NDST3: variants seen among roughly 807,000 people sequenced by gnomAD.
The protein encoded by NDST3 is N-deacetylase and N-sulfotransferase 3, also known as bifunctional heparan sulfate N-deacetylase/N-sulfotransferase 3.
A neutral mutation model predicts 96.1 loss-of-function variants in NDST3; 58 were observed. The ratio of observed to expected loss-of-function variants is 0.60; its 90% CI spans 0.49 to 0.75. NDST3 has a LOEUF of 0.75. NDST3 is among the 30% of genes least tolerant of loss of function. The pLI is 0.00. For synonymous variants in NDST3, 333 were observed against 359.7 expected (o/e 0.93, Z 0.84); for missense variants, 788 against 1,034.2 (o/e 0.76, Z 3.27).
At chr4:118,241,603 C>G (rs563527639) in intron 11 of NDST3, among the ~76,000 whole-genome samples, 2 of 152,322 alleles carry the variant, frequency 1.3e-5, no homozygotes, top group African/African-American at 4.8e-5. Context: ...TTCTTCAAAC[C>G]TGACAGTGCT....
intron 2 of NDST3, among the ~76,000 whole-genome samples, chr4:118,080,566 C>T (rs1303528801): frequency 1.3e-5 from 2 of 152,038 alleles, no homozygotes; most frequent in Non-Finnish European, 2.9e-5. Context: ...AATTAATTCA[C>T]GAAAGTCTCA....
intron 2 of NDST3, among the ~76,000 whole-genome samples, chr4:118,093,237 T>C (rs1348535626): frequency 6.6e-6 from 1 of 151,836 alleles, no homozygotes. Flanking sequence ...TATACATATG[T>C]TTATCGCTTC....
intron 4 of NDST3, among the ~76,000 whole-genome samples, chr4:118,119,332 TA>T (rs1323077610): frequency 6.6e-6 from 1 of 152,216 alleles, no homozygotes; most frequent in African/African-American, 2.4e-5. Flanking sequence ...GCTTAAGGAA[TA>T]TATGACAATC....
chr4:118,069,596 A>G (rs926453410), intron 2 of NDST3, among the ~76,000 whole-genome samples: 2 of 152,198 alleles, frequency 1.3e-5, no homozygotes, highest in East Asian at 3.9e-4. Flanking sequence ...GAAAGCAAAA[A>G]GCAATTCTCT....
intron 6 of NDST3, among the ~76,000 whole-genome samples, chr4:118,172,341 A>G (rs1347966193): frequency 6.6e-6 from 1 of 152,188 alleles, no homozygotes; most frequent in Non-Finnish European, 1.5e-5. Context: ...GATGTCTCCT[A>G]AGGAAAGAGT....
intron 7 of NDST3, 84 bp from the exon 8 acceptor site, chr4:118,226,802 T>A: frequency 2.1e-6 from 2 of 959,618 alleles, no homozygotes; most frequent in Non-Finnish European, 3.2e-6. Flanking sequence ...TGGTATACTT[T>A]TAAAGAACAC....
At chr4:118,045,164 T>C (rs1724692588) in intron 1 of NDST3, among the ~76,000 whole-genome samples, 1 of 152,168 alleles carries the variant, frequency 6.6e-6, no homozygotes, top group African/African-American at 2.4e-5. Flanking sequence ...TTACCCAATA[T>C]TGTGCTCATT....
At chr4:118,131,254 TTTTGG>T (rs57523165) in intron 4 of NDST3, among the ~76,000 whole-genome samples, 109,971 of 150,476 alleles carry the variant, frequency 0.73, 45,343 homozygotes, top group South Asian at 0.91. Context: ...TGCTATGTTG[TTTTGG>T]TTTGGTTTGG....
At chr4:118,222,168 A>T (rs537879573) in intron 6 of NDST3, among the ~76,000 whole-genome samples, 2 of 152,054 alleles carry the variant, frequency 1.3e-5, no homozygotes, top group African/African-American at 4.8e-5. Context: ...AATTGCCAAG[A>T]AGTGAAATGA....
intron 12 of NDST3, among the ~76,000 whole-genome samples, chr4:118,245,049 T>G (rs1471433194): frequency 6.6e-6 from 1 of 152,204 alleles, no homozygotes; most frequent in African/African-American, 2.4e-5. Context: ...TATATTAACA[T>G]TACTTTAGTT....
intron 3 of NDST3, among the ~76,000 whole-genome samples, chr4:118,109,743 G>A (rs530857344): frequency 2.0e-5 from 3 of 152,152 alleles, no homozygotes; most frequent in Admixed American, 6.5e-5. Context: ...GAATTATATT[G>A]TCTTCCTTTC....
At chr4:118,078,533 C>T (rs758153879) in intron 2 of NDST3, among the ~76,000 whole-genome samples, 3 of 152,062 alleles carry the variant, frequency 2.0e-5, no homozygotes, top group Admixed American at 6.6e-5. Flanking sequence ...GGGTGGATCA[C>T]GAGGGTCAGG....
intron 1 of NDST3, among the ~76,000 whole-genome samples, chr4:118,040,832 A>C (rs1724402477): frequency 6.8e-6 from 1 of 147,154 alleles, no homozygotes. Flanking sequence ...ACCTGCCACC[A>C]TGTCCAACTA....
intron 1 of NDST3, among the ~76,000 whole-genome samples, chr4:118,040,870 T>C (rs1724412912): frequency 1.9e-5 from 1 of 51,348 alleles, no homozygotes; most frequent in Admixed American, 3.2e-4. Context: ...TATATTTTTA[T>C]ATATATATAT....
intron 6 of NDST3, chr4:118,194,345 A>C (rs1737523415): frequency 1.4e-6 from 1 of 732,322 alleles, no homozygotes. Context: ...CTTCTCCCTT[A>C]AACTCAAACA....
At chr4:118,238,971 C>G (rs1394113859) in intron 10 of NDST3, among the ~76,000 whole-genome samples, 1 of 152,210 alleles carries the variant, frequency 6.6e-6, no homozygotes, top group Non-Finnish European at 1.5e-5. Flanking sequence ...GAGTTATCAT[C>G]AGGTCAGTGC....
At chr4:118,067,262 C>T (rs573338716) in intron 2 of NDST3, among the ~76,000 whole-genome samples, 4 of 151,998 alleles carry the variant, frequency 2.6e-5, no homozygotes, top group East Asian at 1.9e-4. Context: ...CCCATTTTAA[C>T]TCTAGTGTGA....
chr4:118,111,433 G>T (rs1730623315), intron 3 of NDST3, among the ~76,000 whole-genome samples: 1 of 152,028 alleles, frequency 6.6e-6, no homozygotes, highest in African/African-American at 2.4e-5. Context: ...TCTGACAAAG[G>T]TGGGCAAAGT....
chr4:118,168,631 CA>C (rs1009288584), intron 6 of NDST3, among the ~76,000 whole-genome samples: 21 of 151,854 alleles, frequency 1.4e-4, no homozygotes, highest in Non-Finnish European at 2.1e-4. Flanking sequence ...GGTATACATC[CA>C]AAAAAACTGA....
Sources: gnomAD v4.1 joint callset for allele counts (sites outside exome capture counted in the v4.1 genomes callset) on GRCh38, gnomAD v4.1.1 for gene constraint, MANE v1.5 for transcripts, NCBI Gene and HGNC (gene_info 2026-07-23, HGNC 2026-07-21) for gene names.